ESYT2: variants seen among roughly 807,000 people sequenced by gnomAD.
ESYT2 encodes the protein extended synaptotagmin 2.
Under a neutral mutation model 107.2 loss-of-function variants are expected in ESYT2, and 54 were observed. The ratio of observed to expected loss-of-function variants is 0.50; its 90% CI spans 0.40 to 0.63. ESYT2 has a LOEUF of 0.63. Among genes scored for constraint, ESYT2 ranks in the 30% least tolerant of loss-of-function variants. The pLI, the probability that ESYT2 is intolerant of heterozygous loss-of-function variation, is 0.00. For synonymous variants in ESYT2, 491 were observed against 434.1 expected (o/e 1.13, Z -1.63); for missense variants, 1,020 against 1,094.5 (o/e 0.93, Z 0.96).
At chr7:158,793,503 A>G in intron 4 of ESYT2, 147 bp downstream of exon 4, 1 of 663,744 alleles carries the variant, frequency 1.5e-6, no homozygotes, top group Non-Finnish European at 2.6e-6. Context: ...GAAGGTAAAT[A>G]ATATTTGGAT....
intron 3 of ESYT2, among the ~76,000 whole-genome samples, chr7:158,795,776 T>C (rs1362465397): frequency 1.3e-5 from 2 of 152,376 alleles, no homozygotes; most frequent in East Asian, 1.9e-4. Context: ...GAAAGTGTCC[T>C]ACAGGCGTCC....
At chr7:158,808,518 T>A (rs1357253300) in intron 1 of ESYT2, among the ~76,000 whole-genome samples, 1 of 152,240 alleles carries the variant, frequency 6.6e-6, no homozygotes, top group Admixed American at 6.5e-5. Context: ...AGGTGAAAGT[T>A]CTCGACTTAC....
At position 158,794,300 on chromosome 7, in the gene ESYT2, C is replaced by T. The variant is rs561598685; in HGVS notation, c.508-574G>A. 2.8e-4 allele frequency among the ~76,000 whole-genome samples: 43 copies of T among 152,310 alleles called. 1 individual carries two copies. Among genetic ancestry groups the T allele is most frequent in the Non-Finnish European group, 4.1e-4 (28 of 68,024 alleles). On this transcript the variant is annotated intron_variant, in intron 3 of 22. Transcript: ENST00000275418. ...TTGAAGCCAGAAGGTTTAAACCAGC[C>T]TGGGCAACATGGTTAAAACCCTATC...
At chr7:158,801,749 A>G (rs1211906529) in intron 1 of ESYT2, among the ~76,000 whole-genome samples, 1 of 152,230 alleles carries the variant, frequency 6.6e-6, no homozygotes, top group African/African-American at 2.4e-5. Flanking sequence ...TCACGTTTCT[A>G]TTATATTTGA....
chr7:158,824,378 C>T (rs1840375930), intron 1 of ESYT2, among the ~76,000 whole-genome samples: 1 of 152,196 alleles, frequency 6.6e-6, no homozygotes, highest in African/African-American at 2.4e-5. Flanking sequence ...TACAAGTCTT[C>T]ACAATATTTT....
At chr7:158,815,346 C>T (rs904319696) in intron 1 of ESYT2, among the ~76,000 whole-genome samples, 1 of 152,282 alleles carries the variant, frequency 6.6e-6, no homozygotes, top group Non-Finnish European at 1.5e-5. Flanking sequence ...GCAGCCCCAG[C>T]CTCAAACTAC....
chr7:158,794,764 A>G (rs1397267334), intron 3 of ESYT2, among the ~76,000 whole-genome samples: 1 of 152,124 alleles, frequency 6.6e-6, no homozygotes, highest in African/African-American at 2.4e-5. Context: ...GTGACAGAGT[A>G]AGACCCTGTC....
In ESYT2 at chr7:158,748,274, A is replaced by G. The variant is rs1431028317; in HGVS notation, c.1564T>C (p.Tyr522His). 2.5e-6 allele frequency: 4 copies of G among 1,613,662 alleles called. No individual in the cohort carries two copies. Among genetic ancestry groups the G allele is most frequent in the Admixed American group, 3.3e-5 (2 of 59,980 alleles). ...GHKAQESKIRYKTNEPVWEEN... is the reference protein window; with the variant it reads ...GHKAQESKIRHKTNEPVWEEN... ...TCCCACACAGGTTCATTGGTTTTGT[A>G]TCGAATCTAGAAGAAATATCCAAAT... is the stretch of plus-strand genomic sequence containing the variant. Residue 522 changes from tyrosine to histidine, a missense_variant, in exon 16 of 23, where the codon TAC becomes CAC. Tyr to His is a moderately conservative substitution (Grantham distance 83). Coordinates refer to ENST00000275418, the MANE Select transcript of ESYT2 (RefSeq NM_001367773.1).
chr7:158,737,047 C>T lies in ESYT2; in HGVS notation c.2399+1G>A, dbSNP rs761451501. 1 of 1,613,036 alleles carries T rather than the reference C, an allele frequency of 6.2e-7. No individual in the cohort carries two copies. Among genetic ancestry groups the T allele is most frequent in the South Asian group, 1.1e-5 (1 of 91,052 alleles). On this transcript the variant is annotated splice_donor_variant, in intron 20 of 22. Coordinates refer to ENST00000275418, the MANE Select transcript of ESYT2 (RefSeq NM_001367773.1). LOFTEE classifies it high-confidence loss of function. ...ATCCTCAGCTGGATAAAATACCGTA[C>T]CTTTGATCAAACACTGGATTTAATG... is the stretch of plus-strand genomic sequence containing the variant.
At chr7:158,779,175 C>G (rs1018963788) in intron 6 of ESYT2, among the ~76,000 whole-genome samples, 1 of 152,124 alleles carries the variant, frequency 6.6e-6, no homozygotes, top group African/African-American at 2.4e-5. Context: ...AACAAAAGAT[C>G]AAAGGCATCA....
At position 158,733,593 on chromosome 7, in the gene ESYT2, C is replaced by G. The variant is rs1385523413; in HGVS notation, c.*614G>C. ...TCAACTTACTTCTCAATAATACATC[C>G]TTATATTTATGAAAATGTTAATATT... is the stretch of plus-strand genomic sequence containing the variant. On this transcript the variant is annotated 3_prime_UTR_variant, in exon 23 of 23. Coordinates refer to ENST00000275418, the MANE Select transcript of ESYT2 (RefSeq NM_001367773.1). The G allele has an allele frequency of 6.6e-6, 1 of 152,090 alleles. No homozygotes were observed. Among genetic ancestry groups the G allele is most frequent in the East Asian group, 1.9e-4 (1 of 5,200 alleles). 9.4% of individuals were successfully genotyped at this position (152,090 alleles called of 1,614,324 possible).
chr7:158,796,926 ACGGC>A (rs1839477381), intron 3 of ESYT2, among the ~76,000 whole-genome samples: 1 of 131,962 alleles, frequency 7.6e-6, no homozygotes, highest in Admixed American at 7.8e-5. Context: ...AAAAGGCACC[ACGGC>A]TGGAGGCAGA....
rs1423584574 is a variant in ESYT2 at position 158,829,158 on chromosome 7, C to G, written c.261G>C (p.Ala87=). 2 of 1,557,268 alleles carry G rather than the reference C, an allele frequency of 1.3e-6. No homozygotes were observed. The highest frequency in any genetic ancestry group is 2.4e-5 in the East Asian group (1 of 42,078). Residue 87 remains alanine (A), a synonymous_variant, in exon 1 of 23, where the codon GCG becomes GCC. Transcript: ENST00000275418. ...RGLKALRLCR[A]LALLEDEERV... ...GCTCCTCGTCTTCCAGCAGCGCCAG[C>G]GCGCGGCACAGGCGCAGGGCCTTGA... is the stretch of plus-strand genomic sequence containing the variant.
At chr7:158,782,612 CA>C (rs1229629074) in intron 6 of ESYT2, among the ~76,000 whole-genome samples, 1 of 150,294 alleles carries the variant, frequency 6.7e-6, no homozygotes, top group African/African-American at 2.5e-5. Flanking sequence ...GAGCGTGTGA[CA>C]AATGAGAACA....
At chr7:158,736,482 G>T (rs969843068) in intron 20 of ESYT2, among the ~76,000 whole-genome samples, 13 of 152,298 alleles carry the variant, frequency 8.5e-5, no homozygotes, top group African/African-American at 2.9e-4. Flanking sequence ...ACCCCTGGGG[G>T]TGTCTCTGAG....
chr7:158,760,130 C>T lies in ESYT2; in HGVS notation c.1251G>A (p.Glu417=). The T allele has an allele frequency of 6.2e-7, 1 of 1,614,176 alleles. No homozygotes were observed. Among genetic ancestry groups the T allele is most frequent in the Non-Finnish European group, 8.5e-7 (1 of 1,180,016 alleles). ...RLLDEWFTLD[E]VPKGKLHLRL... is the part of the protein sequence containing the mutation. ...TCAAGTGTAGCTTCCCCTTGGGAAC[C>T]TCGTCCAGAGTGAACCACTGAAGAG... Residue 417 remains glutamate (E), a synonymous_variant, in exon 12 of 23, where the codon GAG becomes GAA. Transcript: ENST00000275418.
At chr7:158,810,022 T>C (rs1008701136) in intron 1 of ESYT2, among the ~76,000 whole-genome samples, 2 of 152,240 alleles carry the variant, frequency 1.3e-5, no homozygotes, top group African/African-American at 4.8e-5. Flanking sequence ...GATTTTCCTT[T>C]TAACAACAAG....
chr7:158,828,777 C>G lies in ESYT2; in HGVS notation c.330+312G>C, dbSNP rs567203741. On this transcript the variant is annotated intron_variant, in intron 1 of 22. Coordinates refer to ENST00000275418, the MANE Select transcript of ESYT2 (RefSeq NM_001367773.1). The stretch of plus-strand genomic sequence containing the variant: ...GGCCGGGGCGGGGCTGGGGTCTGCA[C>G]TCGCCCTAGCGGGCAGGTCGCCAGC... Among the ~76,000 whole-genome samples, 21 of 151,846 alleles carry G rather than the reference C, an allele frequency of 1.4e-4. 2 individuals are homozygous for G. In the South Asian group the frequency reaches 4.0e-3, roughly 29 times the overall value.
intron 1 of ESYT2, among the ~76,000 whole-genome samples, chr7:158,820,479 C>T (rs1840258662): frequency 6.6e-6 from 1 of 152,202 alleles, no homozygotes; most frequent in Non-Finnish European, 1.5e-5. Context: ...AAAAATAATA[C>T]TTTTATCAGA....
Sources: allele counts gnomAD v4.1 joint callset (sites outside exome capture counted in the v4.1 genomes callset), GRCh38; gene constraint gnomAD v4.1.1; transcripts MANE v1.5; gene names NCBI Gene and HGNC (gene_info 2026-07-23, HGNC 2026-07-21).